The following UBE2E2 variants were observed in gnomAD, a reference collection of about 807,000 sequenced individuals.
The protein encoded by UBE2E2 is ubiquitin-conjugating enzyme E2 E2.
Under a neutral mutation model 24.7 loss-of-function variants are expected in UBE2E2, and 6 were observed. The observed-to-expected ratio is 0.24, with a 90% CI of 0.13 to 0.48. The LOEUF is 0.48. Ranked by LOEUF, UBE2E2 falls within the 20% of genes least tolerant of loss-of-function variation. The pLI, the probability that UBE2E2 is intolerant of heterozygous loss-of-function variation, is 0.99. For synonymous variants in UBE2E2, 104 were observed against 83.6 expected (o/e 1.24, Z -1.33); for missense variants, 169 against 245.0 (o/e 0.69, Z 2.07).
intron 4 of UBE2E2, among the ~76,000 whole-genome samples, chr3:23,515,176 T>G (rs1694701821): frequency 6.6e-6 from 1 of 151,474 alleles, no homozygotes; most frequent in African/African-American, 2.4e-5. Context: ...GAGAGAGAGA[T>G]ACATACATAT....
rs73136291 is a variant in UBE2E2, at chr3:23,326,280, A to G, written c.227+108968A>G. 8.3e-4 allele frequency among the ~76,000 whole-genome samples: 127 copies of G among 152,286 alleles called. 1 individual carries two copies. Among genetic ancestry groups the G allele is most frequent in the African/African-American group, 2.9e-3 (120 of 41,570 alleles). On this transcript the variant is annotated intron_variant, in intron 3 of 5. Transcript: ENST00000396703. ...GAAACGGTGTTTCACCATTTTGGCC[A>G]GGCTGTTCTCGAGCTACTGACTTCA...
intron 4 of UBE2E2, among the ~76,000 whole-genome samples, chr3:23,524,835 C>G (rs1694954613): frequency 6.6e-6 from 1 of 150,416 alleles, no homozygotes; most frequent in Non-Finnish European, 1.5e-5. Flanking sequence ...AATGAGACAG[C>G]TGGGAGATAC....
chr3:23,255,572 G>C (rs1697699513), intron 3 of UBE2E2, among the ~76,000 whole-genome samples: 1 of 152,138 alleles, frequency 6.6e-6, no homozygotes, highest in South Asian at 2.1e-4. Context: ...AAGTTGTAGA[G>C]TCAAAGTAGA....
At chr3:23,455,092 G>A (rs1450719273) in intron 3 of UBE2E2, among the ~76,000 whole-genome samples, 2 of 152,152 alleles carry the variant, frequency 1.3e-5, no homozygotes, top group East Asian at 3.8e-4. Flanking sequence ...CTCTTTCTGA[G>A]AGACCTGAAA....
At chr3:23,331,059 T>G (rs572189986) in intron 3 of UBE2E2, among the ~76,000 whole-genome samples, 3 of 152,342 alleles carry the variant, frequency 2.0e-5, no homozygotes, top group Non-Finnish European at 4.4e-5. Flanking sequence ...TTTCAACCTA[T>G]TTATGTATTA....
intron 3 of UBE2E2, among the ~76,000 whole-genome samples, chr3:23,282,123 C>T (rs1403263417): frequency 6.6e-6 from 1 of 152,206 alleles, no homozygotes; most frequent in East Asian, 1.9e-4. Context: ...AAGCCCAGCC[C>T]TTTCGTCTCT....
chr3:23,246,858 A>G (rs1436386127), intron 3 of UBE2E2, among the ~76,000 whole-genome samples: 2 of 152,160 alleles, frequency 1.3e-5, no homozygotes, highest in Non-Finnish European at 2.9e-5. Context: ...TTATTAAGTA[A>G]ATTAAAAACC....
At chr3:23,204,650 T>A in intron 1 of UBE2E2, 2 of 975,674 alleles carry the variant, frequency 2.0e-6, no homozygotes, top group Non-Finnish European at 2.4e-6. Context: ...TAGAGTGTTT[T>A]CATATAATGC....
At chr3:23,206,065 A>G (rs1696137113) in intron 1 of UBE2E2, among the ~76,000 whole-genome samples, 1 of 152,230 alleles carries the variant, frequency 6.6e-6, no homozygotes, top group Admixed American at 6.5e-5. Flanking sequence ...TATTTCATTG[A>G]GGTACCCATA....
chr3:23,571,744 AC>A (rs1370486790), intron 5 of UBE2E2, among the ~76,000 whole-genome samples: 1 of 152,164 alleles, frequency 6.6e-6, no homozygotes, highest in Non-Finnish European at 1.5e-5. Context: ...GACAGGGATA[AC>A]ACTCAAGAGT....
intron 3 of UBE2E2, among the ~76,000 whole-genome samples, chr3:23,268,823 C>T (rs1311727647): frequency 1.3e-5 from 2 of 151,518 alleles, no homozygotes; most frequent in Non-Finnish European, 2.9e-5. Flanking sequence ...CTACAGTAAC[C>T]AAAACAGCAT....
intron 3 of UBE2E2, among the ~76,000 whole-genome samples, chr3:23,495,079 C>T (rs1395903899): frequency 6.6e-6 from 1 of 152,084 alleles, no homozygotes; most frequent in Non-Finnish European, 1.5e-5. Flanking sequence ...TTTTAAAATA[C>T]CAGTCTGTTT....
At chr3:23,381,636 T>C (rs1311947738) in intron 3 of UBE2E2, among the ~76,000 whole-genome samples, 1 of 152,148 alleles carries the variant, frequency 6.6e-6, no homozygotes, top group African/African-American at 2.4e-5. Flanking sequence ...TATGTTAATA[T>C]TAGGAAGGGA....
intron 3 of UBE2E2, among the ~76,000 whole-genome samples, chr3:23,431,426 G>T (rs1469438522): frequency 6.6e-6 from 1 of 151,950 alleles, no homozygotes; most frequent in Non-Finnish European, 1.5e-5. Flanking sequence ...TAAAACAATA[G>T]TTGCCACCAG....
chr3:23,440,690 A>C (rs547391034), intron 3 of UBE2E2, among the ~76,000 whole-genome samples: 1 of 152,318 alleles, frequency 6.6e-6, no homozygotes, highest in East Asian at 1.9e-4. Flanking sequence ...AGTCTAGTTA[A>C]GTTGATTTGT....
chr3:23,256,157 T>G (rs1355972390), intron 3 of UBE2E2, among the ~76,000 whole-genome samples: 1 of 152,232 alleles, frequency 6.6e-6, no homozygotes, highest in African/African-American at 2.4e-5. Flanking sequence ...CACCTAATTT[T>G]TCTTTCGTTC....
At chr3:23,234,237 G>A (rs1445683472) in intron 3 of UBE2E2, among the ~76,000 whole-genome samples, 1 of 148,458 alleles carries the variant, frequency 6.7e-6, no homozygotes, top group East Asian at 2.0e-4. Flanking sequence ...TCTCCAGTTT[G>A]CCATCATTTT....
At chr3:23,418,109 A>G (rs1245608195) in intron 3 of UBE2E2, among the ~76,000 whole-genome samples, 2 of 152,178 alleles carry the variant, frequency 1.3e-5, no homozygotes, top group African/African-American at 4.8e-5. Context: ...GGGGTATGAA[A>G]AAAAATCCTG....
chr3:23,363,916 T>TAAA (rs757111049), intron 3 of UBE2E2, among the ~76,000 whole-genome samples: 1 of 136,052 alleles, frequency 7.4e-6, no homozygotes, highest in African/African-American at 2.7e-5. Flanking sequence ...CTCAGCAACT[T>TAAA]AAAAAAAAAA....
Sources: allele counts gnomAD v4.1 joint callset (sites outside exome capture counted in the v4.1 genomes callset), GRCh38; gene constraint gnomAD v4.1.1; transcripts MANE v1.5; gene names NCBI Gene and HGNC (gene_info 2026-07-23, HGNC 2026-07-21).